The following NLRP1 variants were observed in gnomAD, a reference collection of about 807,000 sequenced individuals.
The protein encoded by NLRP1 is NLR family pyrin domain containing 1.
Under a neutral mutation model 136.7 loss-of-function variants are expected in NLRP1, and 94 were observed. The observed-to-expected ratio is 0.69, with a 90% confidence interval of 0.58 to 0.82. NLRP1 has a LOEUF of 0.82. Among genes scored for constraint, NLRP1 ranks in the 40% least tolerant of loss-of-function variants. NLRP1 has a pLI of 0.00. For synonymous variants in NLRP1, 690 were observed against 725.1 expected, an observed-to-expected ratio of 0.95 and a Z score of 0.78; for missense variants, 1,575 against 1,802.7, an observed-to-expected ratio of 0.87 and a Z score of 2.29.
chr17:5,512,307 A>C (rs1472575025), downstream of NLRP1: 1 of 1,471,562 alleles, frequency 6.8e-7, no homozygotes, highest in East Asian at 2.2e-5. Flanking sequence ...AACATTCTGC[A>C]AAAGGACATT....
chr17:5,559,259 C>T lies in NLRP1; in HGVS notation c.1437G>A (p.Leu479=). 6.2e-7 allele frequency: 1 copy of T among 1,614,134 alleles called. No homozygotes were observed. The highest frequency in any genetic ancestry group is 8.5e-7 in the Non-Finnish European group (1 of 1,180,012). Residue 479 remains leucine (L), a synonymous_variant, in exon 4 of 17, where the codon CTG becomes CTA. Coordinates refer to ENST00000572272, the MANE Select transcript of NLRP1 (RefSeq NM_033004.4). ...SLEQARWVEV[L]GFSESSRKEY... is the part of the protein sequence containing the mutation. ...CCTTCCTGCTGGACTCAGAGAACCCCAGGACCTCTACCCAACGTGCCTGCT... is the reference window on the plus strand; with the variant it reads ...CCTTCCTGCTGGACTCAGAGAACCCTAGGACCTCTACCCAACGTGCCTGCT...
chr17:5,565,297 C>T (rs945086345), intron 3 of NLRP1, among the ~76,000 whole-genome samples: 5 of 152,188 alleles, frequency 3.3e-5, no homozygotes, highest in Non-Finnish European at 7.3e-5. Flanking sequence ...TGAGAAACGT[C>T]TATTCTAATC....
At chr17:5,571,241 C>T (rs899505189) in intron 3 of NLRP1, among the ~76,000 whole-genome samples, 1 of 152,066 alleles carries the variant, frequency 6.6e-6, no homozygotes, top group Non-Finnish European at 1.5e-5. Context: ...CAACATAGTA[C>T]TAGAAGTCCT....
intron 3 of NLRP1, among the ~76,000 whole-genome samples, chr17:5,562,671 G>A (rs1597464603): frequency 1.3e-5 from 2 of 152,162 alleles, no homozygotes; most frequent in African/African-American, 2.4e-5. Flanking sequence ...ACTGGATGGC[G>A]GCCCCAAAAT....
intron 5 of NLRP1, among the ~76,000 whole-genome samples, chr17:5,542,599 TTTAC>T (rs754533508): frequency 5.3e-5 from 8 of 152,124 alleles, no homozygotes; most frequent in Non-Finnish European, 1.0e-4. Context: ...TCCTTTCTGC[TTTAC>T]TTTTCTCTAT....
At chr17:5,528,492 C>T (rs1422330813) in intron 12 of NLRP1, among the ~76,000 whole-genome samples, 4 of 152,268 alleles carry the variant, frequency 2.6e-5, no homozygotes, top group African/African-American at 9.6e-5. Context: ...CTGAGGCCCC[C>T]GGGACTCTAT....
At chr17:5,536,761 G>T in intron 8 of NLRP1, 90 bp downstream of exon 8, 1 of 870,292 alleles carries the variant, frequency 1.1e-6, no homozygotes, top group Non-Finnish European at 1.9e-6. Context: ...CTCCCTGGCT[G>T]TGTTTGTCTC....
intron 3 of NLRP1, among the ~76,000 whole-genome samples, chr17:5,564,644 CACAA>C (rs538358511): frequency 6.8e-4 from 103 of 151,950 alleles, no homozygotes; most frequent in Non-Finnish European, 1.3e-3. Flanking sequence ...ACAGTGCTGC[CACAA>C]ACATAGAAGT....
intron 3 of NLRP1, among the ~76,000 whole-genome samples, chr17:5,578,860 C>G (rs551825739): frequency 6.6e-6 from 1 of 152,186 alleles, no homozygotes; most frequent in East Asian, 1.9e-4. Context: ...TGGAACCAAC[C>G]CAAATGTCCA....
chr17:5,581,722 T>A (rs1317677285), intron 3 of NLRP1, 137 bp downstream of exon 3: 2 of 778,954 alleles, frequency 2.6e-6, no homozygotes, highest in African/African-American at 1.7e-5. Context: ...GCTCCAAGGG[T>A]GGGATTTCCT....
intron 5 of NLRP1, among the ~76,000 whole-genome samples, chr17:5,549,573 A>T (rs1459294625): frequency 6.6e-6 from 1 of 152,148 alleles, no homozygotes; most frequent in African/African-American, 2.4e-5. Flanking sequence ...GAGCCACCAC[A>T]CCTGGCCCTA....
chr17:5,574,314 A>C (rs1433447953), intron 3 of NLRP1, among the ~76,000 whole-genome samples: 1 of 152,210 alleles, frequency 6.6e-6, no homozygotes, highest in Non-Finnish European at 1.5e-5. Flanking sequence ...ATGTGAAAAG[A>C]CCAAATCTAC....
chr17:5,577,180 G>A (rs1352549956), intron 3 of NLRP1, among the ~76,000 whole-genome samples: 1 of 152,180 alleles, frequency 6.6e-6, no homozygotes, highest in East Asian at 1.9e-4. Flanking sequence ...AAAACTGCAA[G>A]CATTCCCTTT....
intron 3 of NLRP1, among the ~76,000 whole-genome samples, chr17:5,579,831 T>C (rs1187758995): frequency 6.6e-6 from 1 of 152,202 alleles, no homozygotes; most frequent in Non-Finnish European, 1.5e-5. Context: ...AAATACCGCA[T>C]GTTCTCATTC....
At chr17:5,525,103 C>T (rs2151747323) in intron 12 of NLRP1, among the ~76,000 whole-genome samples, 1 of 152,278 alleles carries the variant, frequency 6.6e-6, no homozygotes, top group Admixed American at 6.5e-5. Context: ...GCAGAAAGAC[C>T]TACGCTGCCT....
chr17:5,543,992 T>C (rs1912217985), intron 5 of NLRP1, among the ~76,000 whole-genome samples: 1 of 152,198 alleles, frequency 6.6e-6, no homozygotes, highest in South Asian at 2.1e-4. Flanking sequence ...GGGGGGTTAA[T>C]GCTCTGTGGT....
intron 4 of NLRP1, among the ~76,000 whole-genome samples, chr17:5,556,568 G>A (rs1043787063): frequency 2.0e-5 from 3 of 151,314 alleles, no homozygotes; most frequent in Non-Finnish European, 4.4e-5. Flanking sequence ...AATATGGTTC[G>A]ATTTCGCCAT....
At chr17:5,506,896 C>G (rs1907366873) in intron 15 of NLRP1, among the ~76,000 whole-genome samples, 1 of 117,876 alleles carries the variant, frequency 8.5e-6, no homozygotes, top group African/African-American at 3.8e-5. Flanking sequence ...GAGCAAAACT[C>G]CATCTCAAAA....
chr17:5,528,712 T>C (rs1282091570), intron 12 of NLRP1, among the ~76,000 whole-genome samples: 2 of 152,260 alleles, frequency 1.3e-5, no homozygotes, highest in Admixed American at 1.3e-4. Context: ...ACTGTAAAGT[T>C]AATACCTTTA....
Sources: gnomAD v4.1 joint callset for allele counts (sites outside exome capture counted in the v4.1 genomes callset) on GRCh38, gnomAD v4.1.1 for gene constraint, MANE v1.5 for transcripts, NCBI Gene and HGNC (gene_info 2026-07-23, HGNC 2026-07-21) for gene names.